The following SRRM3 variants were observed in gnomAD, a reference collection of about 807,000 sequenced individuals.
SRRM3 encodes the protein serine/arginine repetitive matrix protein 3.
Under a neutral mutation model 66.2 loss-of-function variants are expected in SRRM3, and 27 were observed. That is an observed-to-expected ratio of 0.41 (90% CI 0.30 to 0.56). SRRM3 has a LOEUF of 0.56. Ranked by LOEUF, SRRM3 falls within the 20% of genes least tolerant of loss-of-function variation. The pLI, the probability that SRRM3 is intolerant of heterozygous loss-of-function variation, is 0.32. For synonymous variants in SRRM3, 391 were observed against 414.9 expected (o/e 0.94, Z 0.70); for missense variants, 918 against 991.9 (o/e 0.93, Z 1.00).
chr7:76,203,092 A>G lies in SRRM3; in HGVS notation c.-40+1025A>G, dbSNP rs561946045. ...CGTGCACAAGTTCCTCTGTCCAGGGAGCATCTTAAGGTCATGGCCCCAGTT... is the reference window on the plus strand; with the variant it reads ...CGTGCACAAGTTCCTCTGTCCAGGGGGCATCTTAAGGTCATGGCCCCAGTT... On this transcript the variant is annotated intron_variant, in intron 1 of 14. Transcript: ENST00000611745. Among the ~76,000 whole-genome samples, 5 of 152,298 alleles carry G rather than the reference A, an allele frequency of 3.3e-5. No homozygotes were observed. In the East Asian group the frequency reaches 9.6e-4, roughly 29 times the overall value.
rs1409333131 is a variant in SRRM3, at chr7:76,286,026, G to A, written c.*183G>A. ...AGGGTGGGCATCCAGTGGACAAGGA[G>A]AAGCCAGATGTGCTGCTTCTACGGG... On this transcript the variant is annotated 3_prime_UTR_variant, in exon 15 of 15. Coordinates refer to ENST00000611745, the MANE Select transcript of SRRM3 (RefSeq NM_001110199.3). 7 of 653,262 alleles carry A rather than the reference G, an allele frequency of 1.1e-5. No individual in the cohort carries two copies. The African/African-American group carries it at 1.3e-4, about 12-fold the overall frequency. The allele number at this position is 653,262 out of a possible 1,614,324, so 40.5% of individuals were successfully genotyped here.
chr7:76,218,601 T>A (rs148045435), intron 1 of SRRM3, among the ~76,000 whole-genome samples: 171 of 151,930 alleles, frequency 1.1e-3, no homozygotes, highest in Non-Finnish European at 2.0e-3. Context: ...AACCACTACT[T>A]GCTTATTTCA....
rs1484308749 is a variant in SRRM3 at position 76,285,940 on chromosome 7, C to A, written c.*97C>A. 21 of 1,330,494 alleles carry A rather than the reference C, an allele frequency of 1.6e-5. No individual in the cohort carries two copies. Among genetic ancestry groups the A allele is most frequent in the Non-Finnish European group, 2.1e-5 (21 of 983,320 alleles). The allele number at this position is 1,330,494 out of a possible 1,614,324, so 82.4% of individuals were successfully genotyped here. A position where few individuals can be genotyped will look rare whatever the true frequency, so the allele number is the denominator to read the frequency against. On this transcript the variant is annotated 3_prime_UTR_variant, in exon 15 of 15. Transcript: ENST00000611745. This position sits in a 1 kb window ranked among gnomAD's most constrained non-coding sequence, Gnocchi z 4.1. ...GGGAGGGGGCTATATCTCCTTGCCC[C>A]CAAGGCTACAAAGAGGTCTCAGGGC...
chr7:76,229,741 C>CTTTTTTTT (rs869140956), intron 1 of SRRM3, among the ~76,000 whole-genome samples: 2 of 133,104 alleles, frequency 1.5e-5, no homozygotes, highest in African/African-American at 2.8e-5. Flanking sequence ...TCTTCTTCTT[C>CTTTTTTTT]TTTTTTTTTT....
At position 76,226,518 on chromosome 7, in the gene SRRM3, C is replaced by T. The variant is rs118049540; in HGVS notation, c.-39-8510C>T. On this transcript the variant is annotated intron_variant, in intron 1 of 14. Coordinates refer to ENST00000611745, the MANE Select transcript of SRRM3 (RefSeq NM_001110199.3). ...ACTCTAAGGGTGGCCGGTGGGGCCC[C>T]GGCTCCTGGCTGTATCAGCAGAAAG... Among the ~76,000 whole-genome samples the T allele has an allele frequency of 6.4e-4, 98 of 152,342 alleles. No homozygotes were observed. In the East Asian group the frequency reaches 0.014, roughly 22 times the overall value.
intron 1 of SRRM3, among the ~76,000 whole-genome samples, chr7:76,226,942 G>A (rs1563613737): frequency 1.3e-5 from 2 of 152,190 alleles, no homozygotes; most frequent in Non-Finnish European, 2.9e-5. Context: ...AGTAGGAAAG[G>A]ACCCTTGGGG....
In SRRM3 at chr7:76,286,090, G is replaced by A. The variant is rs1318853062; in HGVS notation, c.*247G>A. 1 of 573,062 alleles carries A rather than the reference G, an allele frequency of 1.7e-6. No homozygotes were observed. The highest frequency in any genetic ancestry group is 3.2e-6 in the Non-Finnish European group (1 of 314,022). The allele number at this position is 573,062 out of a possible 1,614,324, so 35.5% of individuals were successfully genotyped here. On this transcript the variant is annotated 3_prime_UTR_variant, in exon 15 of 15. Transcript: ENST00000611745. ...CTCCTGTCCACCCACTGTGCCCGGG[G>A]AACAAAGAGCCGTTACGAACACAGG...
Position 76,248,294 on chromosome 7 carries a change from G to C in SRRM3, c.335+5G>C, listed in dbSNP as rs1554606421. ...GGACCGGCCTGGGGGCCACATGTGA[G>C]TGCTTACCTGTGTGGGGATGAGGGA... On this transcript the variant is annotated splice_donor_5th_base_variant and intron_variant, in intron 3 of 14. Transcript: ENST00000611745. The C allele has an allele frequency of 2.5e-6, 4 of 1,608,482 alleles. No individual in the cohort carries two copies. The highest frequency in any genetic ancestry group is 3.4e-6 in the Non-Finnish European group (4 of 1,175,668).
chr7:76,267,725 C>G (rs1276280799), intron 11 of SRRM3: 2 of 342,296 alleles, frequency 5.8e-6, no homozygotes, highest in African/African-American at 4.3e-5. Flanking sequence ...CCGCGGGGCA[C>G]TGAGTTGGGT....
chr7:76,260,581 G>A (rs1295354890), intron 5 of SRRM3, among the ~76,000 whole-genome samples: 1 of 123,874 alleles, frequency 8.1e-6, no homozygotes, highest in Non-Finnish European at 1.7e-5. Context: ...TCTGGGATCC[G>A]CCCCTCACTG....
At chr7:76,235,880 C>T (rs563858779) in intron 2 of SRRM3, among the ~76,000 whole-genome samples, 1 of 151,760 alleles carries the variant, frequency 6.6e-6, no homozygotes, top group East Asian at 1.9e-4. Context: ...GTGACGCGTG[C>T]CTGTAATCCC....
At chr7:76,281,154 C>G in intron 11 of SRRM3, among the ~76,000 whole-genome samples, 1 of 141,986 alleles carries the variant, frequency 7.0e-6, no homozygotes, top group South Asian at 2.1e-4. Context: ...CTCCCTCTCT[C>G]CCTCTTTCTT....
chr7:76,242,282 C>T (rs1554605712), intron 2 of SRRM3, among the ~76,000 whole-genome samples: 2 of 151,982 alleles, frequency 1.3e-5, no homozygotes, highest in African/African-American at 2.4e-5. Flanking sequence ...GTCGGGAGTT[C>T]GAGACCAGCC....
intron 8 of SRRM3, among the ~76,000 whole-genome samples, 170 bp from the exon 9 acceptor site, chr7:76,264,595 T>C (rs1801963031): frequency 6.6e-6 from 1 of 151,722 alleles, no homozygotes; most frequent in South Asian, 2.1e-4. Context: ...TTTGGCTGAG[T>C]GAAAGGGACA....
intron 1 of SRRM3, among the ~76,000 whole-genome samples, chr7:76,213,247 G>A (rs1554602014): frequency 6.6e-6 from 1 of 151,684 alleles, no homozygotes; most frequent in Non-Finnish European, 1.5e-5. Context: ...CTGACCTCAG[G>A]CAATCCACCC....
intron 2 of SRRM3, among the ~76,000 whole-genome samples, chr7:76,241,917 T>G (rs1472736822): frequency 1.3e-5 from 2 of 152,204 alleles, no homozygotes; most frequent in Non-Finnish European, 2.9e-5. Flanking sequence ...AACTTGAGGC[T>G]AGGTAACTTA....
At chr7:76,274,097 G>A (rs377425222) in intron 11 of SRRM3, among the ~76,000 whole-genome samples, 5 of 152,250 alleles carry the variant, frequency 3.3e-5, no homozygotes. Flanking sequence ...CCGGGACTTC[G>A]GTCACCCCGC....
At chr7:76,254,730 T>C (rs1801663102) in intron 3 of SRRM3, among the ~76,000 whole-genome samples, 2 of 152,188 alleles carry the variant, frequency 1.3e-5, no homozygotes, top group Non-Finnish European at 2.9e-5. Context: ...TAAGTTTTGC[T>C]AAAGACTATG....
chr7:76,240,071 CAGG>C (rs1801245395), intron 2 of SRRM3, among the ~76,000 whole-genome samples: 1 of 152,076 alleles, frequency 6.6e-6, no homozygotes, highest in African/African-American at 2.4e-5. Flanking sequence ...GAGGCTGAGG[CAGG>C]AGAATCGCTT....
Sources: gnomAD v4.1 joint callset for allele counts (sites outside exome capture counted in the v4.1 genomes callset) on GRCh38, gnomAD v4.1.1 for gene constraint, Gnocchi (gnomAD v3.1) non-coding constraint, MANE v1.5 for transcripts, NCBI Gene and HGNC (gene_info 2026-07-23, HGNC 2026-07-21) for gene names.